The following SDSL variants were observed in gnomAD, a reference collection of about 807,000 sequenced individuals.
SDSL encodes serine dehydratase like, also known as serine dehydratase-like.
SDSL carries 26 observed loss-of-function variants against 27.6 expected under a neutral mutation model. That is an observed-to-expected ratio of 0.94 (90% CI 0.69 to 1.31). SDSL has a LOEUF of 1.31. Among genes scored for constraint, SDSL ranks in the 50% most tolerant of loss-of-function variants. SDSL has a pLI of 0.00. For synonymous variants in SDSL, 196 were observed against 180.6 expected (o/e 1.09, Z -0.69); for missense variants, 431 against 423.5 (o/e 1.02, Z -0.16).
At position 113,428,165 on chromosome 12, in the gene SDSL, G is replaced by A; in HGVS notation, c.174+9G>A. ...GGCATTTCTGCCAGGAGGTGAGGGT[G>A]TGTGGGAAGGAGGGGAGAAGTGAGG... is the stretch of plus-strand genomic sequence containing the variant. On this transcript the variant is annotated intron_variant, in intron 2 of 7. Transcript: ENST00000403593. 6.2e-7 allele frequency: 1 copy of A among 1,603,124 alleles called. No homozygotes were observed. The highest frequency in any genetic ancestry group is 8.5e-7 in the Non-Finnish European group (1 of 1,174,112).
chr12:113,426,267 A>T (rs1957850123), intron 1 of SDSL: 2 of 455,560 alleles, frequency 4.4e-6, no homozygotes, highest in South Asian at 3.1e-5. Flanking sequence ...TCTTCCTGTC[A>T]TCCATTTCAA....
intron 1 of SDSL, chr12:113,425,674 ATTCACACACAGC>A (rs1957839667): frequency 6.6e-6 from 3 of 455,252 alleles, no homozygotes; most frequent in Non-Finnish European, 8.8e-6. Flanking sequence ...CCACTGGTCC[ATTCACACACAGC>A]TCCTCGGCTT....
intron 7 of SDSL, chr12:113,437,160 A>C: frequency 9.9e-6 from 2 of 201,436 alleles, no homozygotes; most frequent in South Asian, 1.2e-4. Context: ...CCATCATAGC[A>C]CCTCCTTCAG....
At position 113,428,542 on chromosome 12, in the gene SDSL, TCTC is replaced by T. The variant is rs1957879219; in HGVS notation, c.214+87_214+89del. ...AGCGGCAGTACACATCCAGGGTTGG[TCTC>T]CTCTTAAAGGCCCAGCCTCATCAAG... On this transcript the variant is annotated intron_variant, in intron 3 of 7. Transcript: ENST00000403593. The T allele has an allele frequency of 1.2e-5, 16 of 1,297,128 alleles. 1 individual carries two copies. The South Asian group carries it at 2.2e-4, about 18-fold the overall frequency. The allele number at this position is 1,297,128 out of a possible 1,614,324, so 80.4% of individuals were successfully genotyped here. A position where few individuals can be genotyped will look rare whatever the true frequency, so the allele number is the denominator to read the frequency against.
At chr12:113,429,440 G>A (rs533577797) in intron 4 of SDSL, 141 bp downstream of exon 4, 4 of 954,376 alleles carry the variant, frequency 4.2e-6, no homozygotes, top group Non-Finnish European at 6.2e-6. Context: ...CTGAGCTGAG[G>A]GGGGAATGAG....
At chr12:113,434,867 C>CA (rs1402964193) in intron 5 of SDSL, among the ~76,000 whole-genome samples, 1 of 152,226 alleles carries the variant, frequency 6.6e-6, no homozygotes, top group African/African-American at 2.4e-5. Flanking sequence ...GTAATCCCAG[C>CA]ACTTTGGGAG....
Position 113,436,814 on chromosome 12 carries a change from C to G in SDSL, c.735C>G (p.Cys245Trp). 1 of 1,612,320 alleles carries G rather than the reference C, an allele frequency of 6.2e-7. No homozygotes were observed. The highest frequency in any genetic ancestry group is 8.5e-7 in the Non-Finnish European group (1 of 1,179,684). The part of the protein sequence containing the change: ...AARALECMQV[C>W]KIHSEVVEDT... ...GGGCCCTGGAGTGCATGCAGGTGTG[C>G]AAGATTCACTCTGAAGTGGTGGAGG... The change falls in exon 7 of 8, where the codon TGC (cysteine) becomes TGG (tryptophan). Residue 245 changes from cysteine (C) to tryptophan (W), a missense_variant. Transcript: ENST00000403593.
chr12:113,431,832 G>A (rs530401287), intron 4 of SDSL, among the ~76,000 whole-genome samples: 15 of 151,068 alleles, frequency 9.9e-5, no homozygotes, highest in South Asian at 2.1e-4. Context: ...TCTGCCTCCC[G>A]GGTTCACACC....
chr12:113,436,990 G>A, intron 7 of SDSL, 115 bp downstream of exon 7: 1 of 1,110,342 alleles, frequency 9.0e-7, no homozygotes, highest in Non-Finnish European at 1.2e-6. Flanking sequence ...GGCTAGGTGT[G>A]CAGTTACTGT....
At chr12:113,432,290 TTCTC>T (rs780184672) in intron 4 of SDSL, among the ~76,000 whole-genome samples, 1 of 104,084 alleles carries the variant, frequency 9.6e-6, no homozygotes, top group African/African-American at 3.9e-5. Flanking sequence ...CTTTCTTTCT[TTCTC>T]TCTCTCTCTT....
intron 4 of SDSL, among the ~76,000 whole-genome samples, chr12:113,433,302 G>A (rs972813864): frequency 6.6e-6 from 1 of 152,190 alleles, no homozygotes; most frequent in South Asian, 2.1e-4. Flanking sequence ...GGATGAGCAG[G>A]GGCTAGTTCT....
chr12:113,437,116 T>C, intron 7 of SDSL: 1 of 293,650 alleles, frequency 3.4e-6, no homozygotes, highest in South Asian at 6.4e-5. Flanking sequence ...CTGGCCCTGC[T>C]CCCTATTGGT....
intron 4 of SDSL, among the ~76,000 whole-genome samples, chr12:113,430,370 A>C (rs932499907): frequency 6.6e-6 from 1 of 152,222 alleles, no homozygotes; most frequent in Non-Finnish European, 1.5e-5. Flanking sequence ...TGTTTTAATC[A>C]GCTATTGTTG....
At chr12:113,428,226 C>T in intron 2 of SDSL, 70 bp downstream of exon 2, 1 of 1,466,454 alleles carries the variant, frequency 6.8e-7, no homozygotes. Context: ...GGGGTGTGGG[C>T]TGGGGACGGG....
chr12:113,434,300 A>G, intron 5 of SDSL, 78 bp downstream of exon 5: 1 of 1,146,626 alleles, frequency 8.7e-7, no homozygotes, highest in South Asian at 1.7e-5. Flanking sequence ...ATTGGGCAGA[A>G]GGAGAAACTG....
In SDSL at chr12:113,435,389, C is replaced by T. The variant is rs1455872034; in HGVS notation, c.504C>T (p.Ala168=). Residue 168 remains alanine, a synonymous_variant, in exon 6 of 8, where the codon GCC becomes GCT. Coordinates refer to ENST00000403593, the MANE Select transcript of SDSL (RefSeq NM_001304993.2). ...CAGTGCTGAGGACCCCACCAGGTGC[C>T]CTGGTGCTGGCAGTTGGGGGTGGGG... ...LKAVLRTPPG[A]LVLAVGGGGL... 4 of 1,608,252 alleles carry T rather than the reference C, an allele frequency of 2.5e-6. No individual in the cohort carries two copies. In the South Asian group the frequency reaches 3.3e-5, roughly 13 times the overall value.
At chr12:113,425,162 G>A (rs1052997799) in intron 1 of SDSL, among the ~76,000 whole-genome samples, 7 of 152,188 alleles carry the variant, frequency 4.6e-5, no homozygotes, top group Admixed American at 6.5e-5. Context: ...CCAGGAAGTC[G>A]GAGCTGGTTT....
At chr12:113,432,331 T>C (rs891568822) in intron 4 of SDSL, among the ~76,000 whole-genome samples, 1 of 151,494 alleles carries the variant, frequency 6.6e-6, no homozygotes, top group Non-Finnish European at 1.5e-5. Context: ...TCTCTCTCTC[T>C]GTCTCTGTCT....
At position 113,437,292 on chromosome 12, in the gene SDSL, G is replaced by T. The variant is rs958844002; in HGVS notation, c.796+417G>T. On this transcript the variant is annotated intron_variant, in intron 7 of 7. Transcript: ENST00000403593. ...CATCACTGATGTGAGCCCCATGAGGGCTGGTGTGTCTTAGTCCCTGACGTG... is the reference window on the plus strand; with the variant it reads ...CATCACTGATGTGAGCCCCATGAGGTCTGGTGTGTCTTAGTCCCTGACGTG... Among the ~76,000 whole-genome samples, 5 of 152,202 alleles carry T rather than the reference G, an allele frequency of 3.3e-5. 1 individual carries two copies. The highest frequency in any genetic ancestry group is 2.6e-4 in the Admixed American group (4 of 15,290).
Sources: allele counts gnomAD v4.1 joint callset (sites outside exome capture counted in the v4.1 genomes callset), GRCh38; gene constraint gnomAD v4.1.1; transcripts MANE v1.5; gene names NCBI Gene and HGNC (gene_info 2026-07-23, HGNC 2026-07-21).